DMD: variants seen among roughly 807,000 people sequenced by gnomAD.
DMD encodes mutant dystrophin.
In DMD, 63 loss-of-function variants were observed where a neutral mutation model predicts 330.1. That is an observed-to-expected ratio of 0.19 (90% CI 0.16 to 0.24). The LOEUF is 0.24. Ranked by LOEUF, DMD falls within the 10% of genes least tolerant of loss-of-function variation. The probability of loss-of-function intolerance (pLI) is 1.00; values close to 1 mark genes in which losing one functional copy is unlikely to be tolerated. For missense variants in DMD, 3,344 were observed against 2,684.1 expected (o/e 1.25, Z -5.43); for synonymous variants, 1,223 against 959.8 (o/e 1.27, Z -5.07).
At chrX:32,632,916 T>G (rs1338259495) in intron 11 of DMD, among the ~76,000 whole-genome samples, 1 of 112,564 alleles carries the variant, frequency 8.9e-6, no homozygotes, top group East Asian at 2.8e-4. Flanking sequence ...CTATCAGCAC[T>G]TGCCTTCTTT....
chrX:31,983,032 G>T (rs2095487035), intron 44 of DMD, among the ~76,000 whole-genome samples: 1 of 108,482 alleles, frequency 9.2e-6, no homozygotes, highest in Non-Finnish European at 1.9e-5. Context: ...TATCTAGGGA[G>T]AAATGTTGTT....
chrX:31,188,581 C>T (rs1016160977), intron 67 of DMD, among the ~76,000 whole-genome samples: 4 of 111,831 alleles, frequency 3.6e-5, no homozygotes, highest in African/African-American at 1.3e-4. Flanking sequence ...GTCATTTAGC[C>T]CTGGGTTTTG....
intron 44 of DMD, among the ~76,000 whole-genome samples, chrX:32,142,121 G>C (rs115046537): frequency 5.2e-4 from 58 of 110,821 alleles, no homozygotes; most frequent in South Asian, 4.7e-3. Context: ...TGGTGCAAGG[G>C]GGGTAGACAG....
chrX:32,250,575 C>G (rs764238521), intron 43 of DMD, among the ~76,000 whole-genome samples: 1 of 112,162 alleles, frequency 8.9e-6, no homozygotes, highest in Non-Finnish European at 1.9e-5. Context: ...GTACACAGTT[C>G]TGCCTCCCCA....
chrX:32,877,141 T>C (rs911199529), intron 2 of DMD, among the ~76,000 whole-genome samples: 5 of 111,961 alleles, frequency 4.5e-5, no homozygotes, highest in Admixed American at 1.9e-4. Flanking sequence ...TGCAGCTAGA[T>C]GTAAACAAAG....
chrX:31,976,330 CTG>C (rs1320949903), intron 44 of DMD, among the ~76,000 whole-genome samples: 3 of 111,149 alleles, frequency 2.7e-5, no homozygotes, highest in Non-Finnish European at 5.7e-5. Flanking sequence ...GAAAATATAA[CTG>C]AGAGCATTAT....
intron 57 of DMD, among the ~76,000 whole-genome samples, chrX:31,491,981 T>C (rs2069347711): frequency 8.9e-6 from 1 of 112,245 alleles, no homozygotes; most frequent in African/African-American, 3.2e-5. Flanking sequence ...TTAATGGGAT[T>C]TGTATCCCCA....
intron 1 of DMD, among the ~76,000 whole-genome samples, chrX:33,251,024 A>G (rs1053187976): frequency 1.8e-5 from 2 of 111,191 alleles, no homozygotes; most frequent in African/African-American, 6.5e-5. Context: ...GTAAAGATCA[A>G]GTTTTACATC....
intron 77 of DMD, among the ~76,000 whole-genome samples, chrX:31,130,956 C>T (rs766620098): frequency 7.2e-5 from 8 of 111,708 alleles, no homozygotes; most frequent in Non-Finnish European, 1.5e-4. Flanking sequence ...TTAAGTAAAC[C>T]ACGCGGTGGT....
intron 30 of DMD, among the ~76,000 whole-genome samples, chrX:32,394,922 A>AAAAAAAACAAAAAAAAAAAAAAAAAC (rs1557326755): frequency 4.5e-5 from 1 of 22,279 alleles, no homozygotes; most frequent in African/African-American, 1.3e-4. Flanking sequence ...AAAACAAAAA[A>AAAAAAAACAAAAAAAAAAAAAAAAAC]AAAAAAAAAA....
chrX:32,102,769 G>A (rs768303226), intron 44 of DMD, among the ~76,000 whole-genome samples: 1 of 111,490 alleles, frequency 9.0e-6, no homozygotes, highest in East Asian at 2.8e-4. Flanking sequence ...TTGGCTTTAA[G>A]TTGTACTAGT....
chrX:33,055,300 T>C (rs753976888), intron 1 of DMD, among the ~76,000 whole-genome samples: 1 of 111,367 alleles, frequency 9.0e-6, no homozygotes, highest in Non-Finnish European at 1.9e-5. Context: ...TCAATTTCAG[T>C]TGAAGGATGT....
chrX:32,670,643 C>A (rs916608403), intron 9 of DMD, among the ~76,000 whole-genome samples: 1 of 111,825 alleles, frequency 8.9e-6, no homozygotes, highest in African/African-American at 3.2e-5. Context: ...GTATATGTGA[C>A]GATTTTTGCA....
At chrX:32,236,634 C>T (rs987322418) in intron 43 of DMD, among the ~76,000 whole-genome samples, 1 of 111,390 alleles carries the variant, frequency 9.0e-6, no homozygotes, top group Non-Finnish European at 1.9e-5. Flanking sequence ...ACTTTCTTTG[C>T]CTTCTGCCAT....
intron 55 of DMD, among the ~76,000 whole-genome samples, chrX:31,535,683 C>A (rs1288017115): frequency 9.0e-6 from 1 of 111,624 alleles, no homozygotes; most frequent in African/African-American, 3.3e-5. Flanking sequence ...TTGTTTTAGC[C>A]ACCTTTTCCC....
intron 52 of DMD, among the ~76,000 whole-genome samples, chrX:31,712,559 T>TTGTAATATTTTGATGAC (rs1207815124): frequency 1.8e-5 from 2 of 110,940 alleles, no homozygotes; most frequent in Admixed American, 9.8e-5. Context: ...GATGTAATGA[T>TTGTAATATTTTGATGAC]TGTAATATTT....
intron 32 of DMD, among the ~76,000 whole-genome samples, chrX:32,388,667 A>C (rs955117573): frequency 1.8e-5 from 2 of 110,910 alleles, no homozygotes; most frequent in Non-Finnish European, 3.8e-5. Flanking sequence ...GAGTAGATGT[A>C]GAAACAATAC....
intron 1 of DMD, among the ~76,000 whole-genome samples, chrX:33,303,724 C>G (rs1220180905): frequency 9.0e-6 from 1 of 111,451 alleles, no homozygotes; most frequent in Non-Finnish European, 1.9e-5. Context: ...CTTCTCCTTG[C>G]TGCCGCCATG....
At chrX:33,041,105 TA>T (rs1183413066) in intron 1 of DMD, among the ~76,000 whole-genome samples, 1 of 112,875 alleles carries the variant, frequency 8.9e-6, no homozygotes, top group South Asian at 3.6e-4. Flanking sequence ...ATTTCTATTA[TA>T]AAAAATGTTA....
Sources: allele counts gnomAD v4.1 joint callset (sites outside exome capture counted in the v4.1 genomes callset), GRCh38; gene constraint gnomAD v4.1.1; transcripts MANE v1.5; gene names NCBI Gene and HGNC (gene_info 2026-07-23, HGNC 2026-07-21).